Variants in CNEP1R1 observed in about 807,000 individuals in gnomAD.
CNEP1R1 encodes the protein CTD nuclear envelope phosphatase 1 regulatory subunit 1.
Under a neutral mutation model 22.7 loss-of-function variants are expected in CNEP1R1, and 10 were observed. The observed-to-expected ratio is 0.44, with a 90% confidence interval of 0.27 to 0.75. The LOEUF (loss-of-function observed/expected upper bound fraction) is 0.75, where lower values mean the gene tolerates loss of function less well. Ranked by LOEUF, CNEP1R1 falls within the 30% of genes least tolerant of loss-of-function variation. CNEP1R1 has a pLI of 0.17. For synonymous variants in CNEP1R1, 53 were observed against 50.1 expected, an observed-to-expected ratio of 1.06 and a Z score of -0.25; for missense variants, 73 against 151.5, an observed-to-expected ratio of 0.48 and a Z score of 2.72.
Position 50,036,868 on chromosome 16 carries a change from C to T in CNEP1R1, c.*1410C>T, listed in dbSNP as rs1199468597. Reference sequence around the variant, plus strand: ...TAACATAAAGCTGAAAATTCAATAACAGGATAAAAAAGCTTTTTAACAAGG... The same window carrying T: ...TAACATAAAGCTGAAAATTCAATAATAGGATAAAAAAGCTTTTTAACAAGG... On this transcript the variant is annotated 3_prime_UTR_variant, in exon 6 of 6. Transcript: ENST00000427478. 1 of 152,516 alleles carries T rather than the reference C, an allele frequency of 6.6e-6. No individual in the cohort carries two copies. The highest frequency in any genetic ancestry group is 1.5e-5 in the Non-Finnish European group (1 of 68,000). 9.4% of individuals were successfully genotyped at this position (152,516 alleles called of 1,614,324 possible).
chr16:50,029,859 T>C (rs2036216957), intron 3 of CNEP1R1, 61 bp downstream of exon 3: 1 of 958,576 alleles, frequency 1.0e-6, no homozygotes, highest in African/African-American at 1.6e-5. Context: ...ATTGTAGTGC[T>C]TTGTTAATGA....
At chr16:50,032,731 G>A (rs13329711) in intron 3 of CNEP1R1, among the ~76,000 whole-genome samples, 17,320 of 152,260 alleles carry the variant, frequency 0.11, 1,026 homozygotes, top group African/African-American at 0.16. Flanking sequence ...TAGGCTGAGC[G>A]TGGTGGTTCA....
In CNEP1R1 at chr16:50,025,493, C is replaced by G. The variant is rs1031336292; in HGVS notation, c.25+153C>G. The G allele has an allele frequency of 1.2e-5, 13 of 1,096,988 alleles. No homozygotes were observed. The African/African-American group carries it at 1.4e-4, about 12-fold the overall frequency. The allele number at this position is 1,096,988 out of a possible 1,614,324, so 68.0% of individuals were successfully genotyped here. A position where few individuals can be genotyped will look rare whatever the true frequency, so the allele number is the denominator to read the frequency against. Reference sequence around the variant, plus strand: ...CTTGGGGGCGCGTAGGCGGCCGTACCTGGCCAGACGCGGGGGGCGGTGCCT... The same window carrying G: ...CTTGGGGGCGCGTAGGCGGCCGTACGTGGCCAGACGCGGGGGGCGGTGCCT... On this transcript the variant is annotated intron_variant, in intron 1 of 5. Transcript: ENST00000427478.
intron 5 of CNEP1R1, 110 bp from the exon 6 acceptor site, chr16:50,035,307 A>G (rs975355792): frequency 5.5e-5 from 36 of 651,816 alleles, no homozygotes; most frequent in Non-Finnish European, 9.0e-5. Flanking sequence ...AATCTTGACT[A>G]TAGAGAAGCG....
In CNEP1R1 at chr16:50,034,283, G is replaced by A; in HGVS notation, c.336+127G>A. 4 of 649,222 alleles carry A rather than the reference G, an allele frequency of 6.2e-6. No individual in the cohort carries two copies. In the South Asian group the frequency reaches 6.9e-5, roughly 11 times the overall value. The allele number at this position is 649,222 out of a possible 1,614,324, so 40.2% of individuals were successfully genotyped here. On this transcript the variant is annotated intron_variant, in intron 5 of 5. Transcript: ENST00000427478. Reference sequence around the variant, plus strand: ...GGAATGAATAGTGAGAATATACTTAGAGCATTGATTCTAAGGTACTTTTAC... The same window carrying A: ...GGAATGAATAGTGAGAATATACTTAAAGCATTGATTCTAAGGTACTTTTAC...
intron 2 of CNEP1R1, among the ~76,000 whole-genome samples, chr16:50,027,701 C>A (rs952011106): frequency 2.0e-5 from 3 of 151,396 alleles, no homozygotes; most frequent in Non-Finnish European, 4.4e-5. Flanking sequence ...AAAGTAAAGT[C>A]ATGTTATTTA....
At chr16:50,026,165 A>T in intron 1 of CNEP1R1, 1 of 457,640 alleles carries the variant, frequency 2.2e-6, no homozygotes, top group African/African-American at 2.0e-5. Context: ...GTAAATCAGC[A>T]AGTTTTCTTA....
At position 50,033,519 on chromosome 16, in the gene CNEP1R1, A is replaced by C. The variant is rs1453081814; in HGVS notation, c.281+13A>C. 1.5e-6 allele frequency: 2 copies of C among 1,363,624 alleles called. No homozygotes were observed. Among genetic ancestry groups the C allele is most frequent in the African/African-American group, 2.9e-5 (2 of 69,642 alleles). The allele number at this position is 1,363,624 out of a possible 1,614,324, so 84.5% of individuals were successfully genotyped here. ...TTGCACCATCAATGTATCCTTTACC[A>C]AGGATTAAATTCCATTCTCTGAAGT... On this transcript the variant is annotated intron_variant, in intron 4 of 5. Coordinates refer to ENST00000427478, the MANE Select transcript of CNEP1R1 (RefSeq NM_001281789.2).
chr16:50,034,114 A>G lies in CNEP1R1; in HGVS notation c.294A>G (p.Arg98=). Reference sequence around the variant, plus strand: ...CACATGTATTCAGTATAGCTGCTCGATGTCGAACGGTATTAGCAGAATACA... The same window carrying G: ...CACATGTATTCAGTATAGCTGCTCGGTGTCGAACGGTATTAGCAGAATACA... ...RVVAPSIIAA[R]CRTVLAEYNM... Residue 98 remains arginine, a synonymous_variant, in exon 5 of 6, where the codon CGA becomes CGG. Transcript: ENST00000427478. The G allele has an allele frequency of 6.3e-7, 1 of 1,595,104 alleles. No homozygotes were observed. The highest frequency in any genetic ancestry group is 8.5e-7 in the Non-Finnish European group (1 of 1,169,726).
chr16:50,028,863 A>G (rs1283196542), intron 2 of CNEP1R1, among the ~76,000 whole-genome samples: 1 of 152,156 alleles, frequency 6.6e-6, no homozygotes, highest in Non-Finnish European at 1.5e-5. Context: ...TTTAATACCT[A>G]AAACAAGATT....
chr16:50,027,141 C>T (rs969539608), intron 2 of CNEP1R1, among the ~76,000 whole-genome samples: 8 of 151,990 alleles, frequency 5.3e-5, no homozygotes, highest in Non-Finnish European at 2.9e-5. Flanking sequence ...CAGTGAGTCA[C>T]GCATATAATC....
chr16:50,025,467 G>T (rs558632468), intron 1 of CNEP1R1, 127 bp downstream of exon 1: 2 of 1,190,852 alleles, frequency 1.7e-6, no homozygotes, highest in Non-Finnish European at 2.3e-6. Context: ...GGGGCCCGGA[G>T]CTTGGGGGCG....
intron 2 of CNEP1R1, among the ~76,000 whole-genome samples, chr16:50,028,915 T>C (rs528958236): frequency 6.6e-6 from 1 of 152,300 alleles, no homozygotes; most frequent in South Asian, 2.1e-4. Flanking sequence ...CATCAAGGAA[T>C]TCTAGATAAT....
rs376860762 is a variant in CNEP1R1 at position 50,033,810 on chromosome 16, G to A, written c.282-292G>A. ...ACCCGGGAGGCAGAGGTTGCAGTGA[G>A]CTGAAATCACGCCACTGCACTCCAG... On this transcript the variant is annotated intron_variant, in intron 4 of 5. Transcript: ENST00000427478. Among the ~76,000 whole-genome samples the A allele has an allele frequency of 1.7e-4, 25 of 149,632 alleles. No homozygotes were observed. In the South Asian group the frequency reaches 5.3e-3, roughly 32 times the overall value.
At chr16:50,035,282 A>G in intron 5 of CNEP1R1, 135 bp from the exon 6 acceptor site, 1 of 555,456 alleles carries the variant, frequency 1.8e-6, no homozygotes, top group South Asian at 2.6e-5. Flanking sequence ...CTGAAAGCAT[A>G]ACTATTAATT....
chr16:50,034,298 G>A (rs2036257551), intron 5 of CNEP1R1, 142 bp downstream of exon 5: 1 of 609,384 alleles, frequency 1.6e-6, no homozygotes. Context: ...TTGATTCTAA[G>A]GTACTTTTAC....
At chr16:50,025,603 C>T (rs754026552) in intron 1 of CNEP1R1, 10 of 1,522,882 alleles carry the variant, frequency 6.6e-6, no homozygotes, top group Non-Finnish European at 4.6e-6. Flanking sequence ...CAGACACTTG[C>T]ACTTCGTGCA....
intron 5 of CNEP1R1, 116 bp downstream of exon 5, chr16:50,034,272 G>C (rs2036257418): frequency 1.5e-6 from 1 of 679,468 alleles, no homozygotes; most frequent in South Asian, 1.6e-5. Flanking sequence ...TGAATAGTGA[G>C]AATATACTTA....
chr16:50,030,208 C>T (rs937220175), intron 3 of CNEP1R1, among the ~76,000 whole-genome samples: 1 of 152,158 alleles, frequency 6.6e-6, no homozygotes, highest in Non-Finnish European at 1.5e-5. Context: ...GGAATCCCAA[C>T]ACTTTGGGAG....
Sources: gnomAD v4.1 joint callset for allele counts (sites outside exome capture counted in the v4.1 genomes callset) on GRCh38, gnomAD v4.1.1 for gene constraint, MANE v1.5 for transcripts, NCBI Gene and HGNC (gene_info 2026-07-23, HGNC 2026-07-21) for gene names.